Variants in MAGI1 observed in about 807,000 individuals in gnomAD.
MAGI1 encodes the protein membrane-associated guanylate kinase, WW and PDZ domain-containing protein 1.
A neutral mutation model predicts 139.9 loss-of-function variants in MAGI1; 58 were observed. The ratio of observed to expected loss-of-function variants is 0.41; its 90% CI spans 0.34 to 0.52. MAGI1 has a LOEUF of 0.52. Ranked by LOEUF, MAGI1 falls within the 20% of genes least tolerant of loss-of-function variation. The probability of loss-of-function intolerance (pLI) is 0.12; values close to 1 mark genes in which losing one functional copy is unlikely to be tolerated. For missense variants in MAGI1, 1,874 were observed against 1,901.6 expected, an observed-to-expected ratio of 0.99 and a Z score of 0.27; for synonymous variants, 812 against 737.9, an observed-to-expected ratio of 1.10 and a Z score of -1.63.
In MAGI1 at chr3:65,407,486, G is replaced by C. The variant is rs533221661; in HGVS notation, c.2168-6016C>G. ...AAGGAAACAATCTGAACTTCCAAGA[G>C]CGGAGGACTGAGTAGAGAGATGTGT... On this transcript the variant is annotated intron_variant, in intron 12 of 22. Coordinates refer to ENST00000402939, the MANE Select transcript of MAGI1 (RefSeq NM_001033057.2). 2.0e-5 allele frequency among the ~76,000 whole-genome samples: 3 copies of C among 150,926 alleles called. No individual in the cohort carries two copies. The South Asian group carries it at 6.3e-4, about 32-fold the overall frequency.
chr3:65,755,092 C>T (rs1316331389), intron 1 of MAGI1, among the ~76,000 whole-genome samples: 3 of 151,690 alleles, frequency 2.0e-5, no homozygotes, highest in East Asian at 1.9e-4. Flanking sequence ...GGATTACAGG[C>T]GCGTGCCACG....
chr3:65,381,756 G>A, intron 16 of MAGI1, 121 bp downstream of exon 16: 2 of 909,208 alleles, frequency 2.2e-6, no homozygotes, highest in Non-Finnish European at 3.3e-6. Flanking sequence ...GAAATTCTGA[G>A]CTTGATCACA....
At chr3:65,952,407 A>G (rs1215603555) in intron 1 of MAGI1, among the ~76,000 whole-genome samples, 2 of 152,234 alleles carry the variant, frequency 1.3e-5, no homozygotes, top group South Asian at 4.1e-4. Context: ...AGGGAACAGG[A>G]AGAACAGCAA....
intron 1 of MAGI1, among the ~76,000 whole-genome samples, chr3:65,962,744 G>C (rs747096815): frequency 3.4e-5 from 5 of 147,252 alleles, no homozygotes; most frequent in Admixed American, 7.0e-5. Context: ...AGAAACACTT[G>C]AACATGGGAG....
intron 1 of MAGI1, among the ~76,000 whole-genome samples, chr3:65,744,646 G>T (rs34458234): frequency 0.14 from 20,683 of 151,814 alleles, 1,796 homozygotes; most frequent in Non-Finnish European, 0.21. Flanking sequence ...TATACTCTAG[G>T]ATCCTAATTT....
intron 1 of MAGI1, among the ~76,000 whole-genome samples, chr3:65,781,727 T>C (rs2038950170): frequency 6.6e-6 from 1 of 152,226 alleles, no homozygotes; most frequent in South Asian, 2.1e-4. Flanking sequence ...TGGCCAATAA[T>C]GGCAACATCT....
chr3:66,000,441 C>T (rs979742761), intron 1 of MAGI1, among the ~76,000 whole-genome samples: 16 of 151,690 alleles, frequency 1.1e-4, no homozygotes, highest in African/African-American at 2.4e-4. Flanking sequence ...TTGAAATAAA[C>T]GCAGGGTTTA....
intron 12 of MAGI1, among the ~76,000 whole-genome samples, chr3:65,424,966 T>G (rs1393922692): frequency 6.6e-6 from 1 of 151,732 alleles, no homozygotes. Flanking sequence ...GTCCTAGCTA[T>G]TCAGGAGGCT....
chr3:65,563,090 T>C (rs2080439915), intron 2 of MAGI1, among the ~76,000 whole-genome samples: 2 of 152,214 alleles, frequency 1.3e-5, no homozygotes, highest in Admixed American at 1.3e-4. Context: ...TTACAGTCTT[T>C]ACGTACACCT....
chr3:65,995,546 T>A (rs2066400320), intron 1 of MAGI1, among the ~76,000 whole-genome samples: 1 of 152,100 alleles, frequency 6.6e-6, no homozygotes, highest in Non-Finnish European at 1.5e-5. Context: ...GGTTTTTTTT[T>A]TGAGAAAGAG....
intron 1 of MAGI1, among the ~76,000 whole-genome samples, chr3:65,776,535 A>G (rs192074146): frequency 1.1e-4 from 16 of 152,286 alleles, no homozygotes; most frequent in African/African-American, 3.9e-4. Flanking sequence ...CTAAACTGTA[A>G]TAGAACACAT....
At chr3:65,543,931 A>T (rs1371875345) in intron 2 of MAGI1, among the ~76,000 whole-genome samples, 4 of 152,280 alleles carry the variant, frequency 2.6e-5, no homozygotes, top group Admixed American at 2.6e-4. Context: ...GATGTTTATC[A>T]CAGCTATTTA....
intron 2 of MAGI1, among the ~76,000 whole-genome samples, chr3:65,573,431 A>G (rs1235524306): frequency 6.6e-6 from 1 of 152,114 alleles, no homozygotes; most frequent in Non-Finnish European, 1.5e-5. Flanking sequence ...AATATAATTT[A>G]TCACACTAAT....
At chr3:65,962,611 G>A (rs2064495724) in intron 1 of MAGI1, among the ~76,000 whole-genome samples, 1 of 151,894 alleles carries the variant, frequency 6.6e-6, no homozygotes, top group Admixed American at 6.6e-5. Flanking sequence ...GAGGTGGGAA[G>A]ACTGCTTGAG....
intron 4 of MAGI1, among the ~76,000 whole-genome samples, chr3:65,472,790 G>C (rs1950633584): frequency 6.6e-6 from 1 of 152,244 alleles, no homozygotes; most frequent in East Asian, 1.9e-4. Context: ...GAGTGGACTT[G>C]GGGTTGCCAA....
At chr3:65,360,086 C>A in intron 22 of MAGI1, 1 of 985,342 alleles carries the variant, frequency 1.0e-6, no homozygotes, top group Non-Finnish European at 1.2e-6. Context: ...GTATTTTGCA[C>A]CTGTACAAAT....
intron 1 of MAGI1, among the ~76,000 whole-genome samples, chr3:65,791,998 A>G (rs1274183618): frequency 3.3e-5 from 5 of 152,154 alleles, no homozygotes; most frequent in Non-Finnish European, 2.9e-5. Context: ...GCCTGAAACC[A>G]TGAATAATAC....
intron 1 of MAGI1, among the ~76,000 whole-genome samples, chr3:65,698,636 T>A (rs1027377147): frequency 1.3e-5 from 2 of 152,118 alleles, no homozygotes; most frequent in African/African-American, 4.8e-5. Flanking sequence ...AAGGATTCCC[T>A]ATTTAATAAA....
chr3:65,391,366 T>C lies in MAGI1; in HGVS notation c.2200-8A>G. 1 of 1,611,330 alleles carries C rather than the reference T, an allele frequency of 6.2e-7. No homozygotes were observed. Among genetic ancestry groups the C allele is most frequent in the Non-Finnish European group, 8.5e-7 (1 of 1,177,498 alleles). ...TTTCCTTTCCAGTGGTTGCTGAAAGTAAGCAAGTGAGAGGGGCAAGAAGAA... is the reference window on the plus strand; with the variant it reads ...TTTCCTTTCCAGTGGTTGCTGAAAGCAAGCAAGTGAGAGGGGCAAGAAGAA... On this transcript the variant is annotated splice_polypyrimidine_tract_variant and splice_region_variant and intron_variant, in intron 13 of 22. Coordinates refer to ENST00000402939, the MANE Select transcript of MAGI1 (RefSeq NM_001033057.2).
Sources: allele counts gnomAD v4.1 joint callset (sites outside exome capture counted in the v4.1 genomes callset), GRCh38; gene constraint gnomAD v4.1.1; transcripts MANE v1.5; gene names NCBI Gene and HGNC (gene_info 2026-07-23, HGNC 2026-07-21).